The following TFDP2 variants were observed in gnomAD, a reference collection of about 807,000 sequenced individuals.
The protein encoded by TFDP2 is transcription factor Dp-2.
Under a neutral mutation model 59.3 loss-of-function variants are expected in TFDP2, and 17 were observed. That is an observed-to-expected ratio of 0.29 (90% CI 0.20 to 0.43). TFDP2 has a LOEUF of 0.43. Among genes scored for constraint, TFDP2 ranks in the 20% least tolerant of loss-of-function variants. The pLI, the probability that TFDP2 is intolerant of heterozygous loss-of-function variation, is 1.00. For synonymous variants in TFDP2, 180 were observed against 194.7 expected (o/e 0.92, Z 0.63); for missense variants, 391 against 528.8 (o/e 0.74, Z 2.56).
intron 1 of TFDP2, among the ~76,000 whole-genome samples, chr3:142,102,879 T>C (rs1176184089): frequency 6.6e-6 from 1 of 152,160 alleles, no homozygotes; most frequent in African/African-American, 2.4e-5. Flanking sequence ...ATGGCCTGAA[T>C]TCTTCAAAAA....
At chr3:142,040,801 G>C (rs1191174606) in intron 3 of TFDP2, among the ~76,000 whole-genome samples, 1 of 152,222 alleles carries the variant, frequency 6.6e-6, no homozygotes, top group East Asian at 1.9e-4. Context: ...CTACTTAGGA[G>C]GCTAAGGGAG....
At chr3:142,055,445 G>A (rs991492623) in intron 3 of TFDP2, among the ~76,000 whole-genome samples, 52 of 152,128 alleles carry the variant, frequency 3.4e-4, no homozygotes, top group Admixed American at 3.2e-3. Context: ...TGCTAGGCAA[G>A]GTCACTTGTT....
In TFDP2 at chr3:141,948,132, C is replaced by G. The variant is rs748103164; in HGVS notation, c.*4381G>C. ...TCCAACCCCCACCCCTTACTTACCA[C>G]TAAGGCAGCACAGTTTTAAGGTCTA... On this transcript the variant is annotated 3_prime_UTR_variant, in exon 13 of 13. Transcript: ENST00000489671. The G allele has an allele frequency of 2.0e-5, 3 of 152,266 alleles. No individual in the cohort carries two copies. Among genetic ancestry groups the G allele is most frequent in the Non-Finnish European group, 4.4e-5 (3 of 68,106 alleles). 9.4% of individuals were successfully genotyped at this position (152,266 alleles called of 1,614,324 possible).
At chr3:142,045,612 C>CTTTTTT (rs10587862) in intron 3 of TFDP2, among the ~76,000 whole-genome samples, 1 of 132,000 alleles carries the variant, frequency 7.6e-6, no homozygotes. Flanking sequence ...TATTATTTGA[C>CTTTTTT]TTTTTTTTTT....
Position 141,972,227 on chromosome 3 carries a change from C to T in TFDP2, c.663+1821G>A, listed in dbSNP as rs191900857. Among the ~76,000 whole-genome samples, 6 of 152,202 alleles carry T rather than the reference C, an allele frequency of 3.9e-5. No homozygotes were observed. The East Asian group carries it at 1.2e-3, about 29-fold the overall frequency. On this transcript the variant is annotated intron_variant, in intron 8 of 12. Coordinates refer to ENST00000489671, the MANE Select transcript of TFDP2 (RefSeq NM_001178139.2). ...AGCTCTGACAAGCCAGGCCCCTTAC[C>T]TGTCCCTCATCCAACCAGGTCAAGC... is the stretch of plus-strand genomic sequence containing the variant.
At chr3:142,137,631 C>T (rs1007161397) in intron 1 of TFDP2, among the ~76,000 whole-genome samples, 6 of 152,070 alleles carry the variant, frequency 3.9e-5, no homozygotes, top group Non-Finnish European at 8.8e-5. Context: ...CATCTATTGA[C>T]ATAATCATGT....
intron 8 of TFDP2, among the ~76,000 whole-genome samples, chr3:141,973,125 T>TATATA (rs1559951924): frequency 1.8e-3 from 126 of 69,910 alleles, no homozygotes; most frequent in Middle Eastern, 7.6e-3. Flanking sequence ...ATATATATAT[T>TATATA]TTTTTTTTTT....
intron 3 of TFDP2, among the ~76,000 whole-genome samples, chr3:142,011,949 T>C (rs1944742791): frequency 6.6e-6 from 1 of 152,144 alleles, no homozygotes; most frequent in Non-Finnish European, 1.5e-5. Context: ...CTGACCCTTG[T>C]TAGAATACAA....
At chr3:141,954,732 T>C (rs1170857424) in intron 11 of TFDP2, among the ~76,000 whole-genome samples, 1 of 152,096 alleles carries the variant, frequency 6.6e-6, no homozygotes, top group Non-Finnish European at 1.5e-5. Flanking sequence ...TAAAAGTAAT[T>C]CCTAAAAAGA....
At chr3:142,134,050 A>AAAAG (rs1560179891) in intron 1 of TFDP2, among the ~76,000 whole-genome samples, 1 of 150,470 alleles carries the variant, frequency 6.6e-6, no homozygotes, top group Non-Finnish European at 1.5e-5. Context: ...AGAAAAAAAA[A>AAAAG]AAGAAGAAGA....
intron 1 of TFDP2, among the ~76,000 whole-genome samples, chr3:142,144,605 G>A (rs558209855): frequency 6.6e-5 from 10 of 152,140 alleles, no homozygotes; most frequent in South Asian, 2.1e-4. Flanking sequence ...GCAGTGGCAC[G>A]ATCACAGCTC....
At chr3:142,065,485 T>G (rs1383024604) in intron 3 of TFDP2, among the ~76,000 whole-genome samples, 1 of 151,214 alleles carries the variant, frequency 6.6e-6, no homozygotes, top group Non-Finnish European at 1.5e-5. Context: ...CTAGAACCAT[T>G]CACTCTGTGT....
At chr3:142,135,070 A>G (rs1170769708) in intron 1 of TFDP2, among the ~76,000 whole-genome samples, 1 of 152,094 alleles carries the variant, frequency 6.6e-6, no homozygotes, top group Non-Finnish European at 1.5e-5. Context: ...AACAACAGAC[A>G]TTGTCACTAT....
intron 3 of TFDP2, among the ~76,000 whole-genome samples, chr3:142,023,489 C>A (rs1459066925): frequency 2.6e-5 from 4 of 152,032 alleles, no homozygotes; most frequent in Non-Finnish European, 5.9e-5. Context: ...CCACGCCTGG[C>A]TGGGGGGTAC....
intron 3 of TFDP2, among the ~76,000 whole-genome samples, chr3:142,034,528 C>T (rs1276803141): frequency 6.6e-6 from 1 of 151,886 alleles, no homozygotes; most frequent in Admixed American, 6.6e-5. Context: ...TAAAACAAAA[C>T]AAAAAAACAA....
intron 1 of TFDP2, among the ~76,000 whole-genome samples, chr3:142,103,195 G>A (rs576643077): frequency 1.8e-4 from 28 of 151,900 alleles, no homozygotes; most frequent in African/African-American, 6.0e-4. Context: ...CCGAGAACGC[G>A]CCATTGCACT....
In TFDP2 at chr3:142,149,500, C is replaced by G. The variant is rs933536681; in HGVS notation, c.-410G>C. ...GCCCTCTCCCTGCCCAGCTACAGCCCCGCTTCCCCCGCGCGAGCTTTGGCG... is the reference window on the plus strand; with the variant it reads ...GCCCTCTCCCTGCCCAGCTACAGCCGCGCTTCCCCCGCGCGAGCTTTGGCG... On this transcript the variant is annotated 5_prime_UTR_variant, in exon 1 of 13. Transcript: ENST00000489671. 1 of 347,004 alleles carries G rather than the reference C, an allele frequency of 2.9e-6. No homozygotes were observed. Among genetic ancestry groups the G allele is most frequent in the Non-Finnish European group, 5.2e-6 (1 of 193,822 alleles). The allele number at this position is 347,004 out of a possible 1,614,324, so 21.5% of individuals were successfully genotyped here. A position where few individuals can be genotyped will look rare whatever the true frequency, so the allele number is the denominator to read the frequency against.
chr3:141,995,036 T>G lies in TFDP2; in HGVS notation c.292A>C (p.Thr98Pro), dbSNP rs1275826447. ...MVTQTHIAEA[T>P]GWVPGDRKRA... Reference sequence around the variant, plus strand: ...CACTCTTACCCAGGGACCCAGCCAGTAGCTTCTGCTATGTGTGTCTGAGTA... The same window carrying G: ...CACTCTTACCCAGGGACCCAGCCAGGAGCTTCTGCTATGTGTGTCTGAGTA... Residue 98 changes from threonine (T) to proline (P), a missense_variant, in exon 5 of 13, where the codon ACT becomes CCT. Thr to Pro is a conservative substitution (Grantham distance 38, BLOSUM62 -1). Around this residue, in one of 3 missense-constraint regions of TFDP2, gnomAD observed 162 missense variants for 206.8 expected, o/e 0.78. Transcript: ENST00000489671. The G allele has an allele frequency of 6.3e-7, 1 of 1,596,720 alleles. No homozygotes were observed. Among genetic ancestry groups the G allele is most frequent in the African/African-American group, 1.3e-5 (1 of 74,336 alleles).
intron 3 of TFDP2, among the ~76,000 whole-genome samples, chr3:142,006,378 G>T (rs889614480): frequency 6.6e-6 from 1 of 152,008 alleles, no homozygotes; most frequent in Non-Finnish European, 1.5e-5. Context: ...AACATTTAAG[G>T]GTAGGACAAC....
Sources: allele counts gnomAD v4.1 joint callset (sites outside exome capture counted in the v4.1 genomes callset), GRCh38; gene constraint gnomAD v4.1.1; regional missense constraint gnomAD v4.1.1; transcripts MANE v1.5; gene names NCBI Gene and HGNC (gene_info 2026-07-23, HGNC 2026-07-21).